Variants in RTF1 observed in about 807,000 individuals in gnomAD.
RTF1 encodes RTF1 homolog, Paf1/RNA polymerase II complex component, also known as RNA polymerase-associated protein RTF1 homolog.
A neutral mutation model predicts 95.7 loss-of-function variants in RTF1; 10 were observed. The observed-to-expected ratio is 0.10, with a 90% CI of 0.06 to 0.18. The LOEUF (loss-of-function observed/expected upper bound fraction) is 0.18, where lower values mean the gene tolerates loss of function less well. Ranked by LOEUF, RTF1 falls within the 10% of genes least tolerant of loss-of-function variation. The pLI is 1.00. For missense variants in RTF1, 458 were observed against 875.6 expected (o/e 0.52, Z 6.02); for synonymous variants, 305 against 311.8 (o/e 0.98, Z 0.23).
intron 2 of RTF1, among the ~76,000 whole-genome samples, chr15:41,442,530 T>G (rs1162596956): frequency 6.6e-6 from 1 of 152,046 alleles, no homozygotes; most frequent in African/African-American, 2.4e-5. Flanking sequence ...GTCTTCTCGT[T>G]TCTTCAACTT....
chr15:41,467,635 A>C (rs2050887085), intron 6 of RTF1, among the ~76,000 whole-genome samples: 1 of 152,070 alleles, frequency 6.6e-6, no homozygotes, highest in Middle Eastern at 3.2e-3. Context: ...GAATCCCTTG[A>C]ACCCGGGAGA....
In RTF1 at chr15:41,480,694, C is replaced by A. The variant is rs563031859; in HGVS notation, c.*7C>A. 1.3e-6 allele frequency: 2 copies of A among 1,597,558 alleles called. No individual in the cohort carries two copies. Among genetic ancestry groups the A allele is most frequent in the South Asian group, 1.1e-5 (1 of 90,728 alleles). On this transcript the variant is annotated 3_prime_UTR_variant, in exon 18 of 18. Coordinates refer to ENST00000389629, the MANE Select transcript of RTF1 (RefSeq NM_015138.5). ...ACGACGAGGGCTTATTTGAGCACACCCAGCCTGCTGCTTCTGACCCTGCAT... is the reference window on the plus strand; with the variant it reads ...ACGACGAGGGCTTATTTGAGCACACACAGCCTGCTGCTTCTGACCCTGCAT...
chr15:41,471,500 C>A, intron 8 of RTF1, 151 bp downstream of exon 8: 1 of 750,772 alleles, frequency 1.3e-6, no homozygotes, highest in Non-Finnish European at 2.0e-6. Context: ...CAGTGAGGTG[C>A]CCAGGAATCC....
At chr15:41,417,404 A>G (rs943404749) in intron 1 of RTF1, 91 bp downstream of exon 1, 12 of 1,116,454 alleles carry the variant, frequency 1.1e-5, no homozygotes, top group South Asian at 9.1e-5. Flanking sequence ...GAGCCTTCCT[A>G]CCAGAGCGCC....
Position 41,479,111 on chromosome 15 carries a change from C to T in RTF1, c.1827C>T (p.Asp609=). ...CTTATTTTCTCTCTCAGTCCAGAGA[C>T]CCAGCTGTTCAAGCTGCCATCTTGG... ...CKPTIVSNSR[D]PAVQAAILAQ... The change falls in exon 16 of 18, where the codon GAC becomes GAT. Residue 609 remains aspartate (D), a synonymous_variant. Transcript: ENST00000389629. 1.2e-6 allele frequency: 2 copies of T among 1,612,186 alleles called. No individual in the cohort carries two copies. Among genetic ancestry groups the T allele is most frequent in the Non-Finnish European group, 1.7e-6 (2 of 1,178,294 alleles).
At chr15:41,447,892 C>T (rs922149698) in intron 2 of RTF1, among the ~76,000 whole-genome samples, 2 of 152,154 alleles carry the variant, frequency 1.3e-5, no homozygotes, top group Non-Finnish European at 2.9e-5. Context: ...TTAAGAAGTG[C>T]AAGGTCATTT....
At position 41,472,212 on chromosome 15, in the gene RTF1, G is replaced by GT. The variant is rs1006916671; in HGVS notation, c.1203+874dup. Among the ~76,000 whole-genome samples, 376 of 131,346 alleles carry GT rather than the reference G, an allele frequency of 2.9e-3. 1 individual carries two copies. Among genetic ancestry groups the GT allele is most frequent in the Middle Eastern group, 5.2e-3 (1 of 194 alleles). The allele number at this position is 131,346 out of a possible 152,430, so 86.2% of individuals were successfully genotyped here. On this transcript the variant is annotated intron_variant, in intron 8 of 17. Coordinates refer to ENST00000389629, the MANE Select transcript of RTF1 (RefSeq NM_015138.5). ...CTATTTTTATTTTTATTTATTTGTT[G>GT]TTTTTTTTTTTCAGACAGAGTTTCG...
Position 41,438,539 on chromosome 15 carries a change from T to G in RTF1, c.309+108T>G, listed in dbSNP as rs191935037. On this transcript the variant is annotated intron_variant, in intron 2 of 17. Transcript: ENST00000389629. Reference sequence around the variant, plus strand: ...TTAAATGGAGACTTACAGCCTAAGATCTACAAGAATTTATTGGGGAAAGAA... The same window carrying G: ...TTAAATGGAGACTTACAGCCTAAGAGCTACAAGAATTTATTGGGGAAAGAA... The G allele has an allele frequency of 4.0e-4, 260 of 643,560 alleles. 1 individual carries two copies. The East Asian group carries it at 7.3e-3, about 18-fold the overall frequency. 39.9% of individuals were successfully genotyped at this position (643,560 alleles called of 1,614,324 possible).
intron 2 of RTF1, among the ~76,000 whole-genome samples, chr15:41,448,254 G>A (rs1460484209): frequency 6.6e-6 from 1 of 152,062 alleles, no homozygotes; most frequent in African/African-American, 2.4e-5. Flanking sequence ...GGACCTATTT[G>A]TGTCTCTTTC....
In RTF1 at chr15:41,483,248, T is replaced by A. The variant is rs73407136; in HGVS notation, c.*2561T>A. Reference sequence around the variant, plus strand: ...TAGGATTTCTTGGTGGTTCACACTATTTCTTGTGCTGGGGAATTCCCTCAT... The same window carrying A: ...TAGGATTTCTTGGTGGTTCACACTAATTCTTGTGCTGGGGAATTCCCTCAT... On this transcript the variant is annotated 3_prime_UTR_variant, in exon 18 of 18. Coordinates refer to ENST00000389629, the MANE Select transcript of RTF1 (RefSeq NM_015138.5). The A allele has an allele frequency of 6.6e-6, 1 of 152,600 alleles. No homozygotes were observed. Among genetic ancestry groups the A allele is most frequent in the South Asian group, 2.1e-4 (1 of 4,830 alleles). 9.5% of individuals were successfully genotyped at this position (152,600 alleles called of 1,614,324 possible). A position where few individuals can be genotyped will look rare whatever the true frequency, so the allele number is the denominator to read the frequency against.
intron 4 of RTF1, among the ~76,000 whole-genome samples, chr15:41,458,859 G>A (rs2050832306): frequency 6.8e-6 from 1 of 147,576 alleles, no homozygotes. Flanking sequence ...ATCACTTGAG[G>A]TCAGGAGTTC....
chr15:41,429,055 AT>A (rs1260641384), intron 1 of RTF1, among the ~76,000 whole-genome samples: 5 of 151,656 alleles, frequency 3.3e-5, no homozygotes, highest in Non-Finnish European at 7.4e-5. Context: ...TTGATTTTTA[AT>A]TTTTTGTAGA....
chr15:41,418,572 C>T (rs192986323), intron 1 of RTF1, among the ~76,000 whole-genome samples: 261 of 152,102 alleles, frequency 1.7e-3, no homozygotes, highest in African/African-American at 6.1e-3. Flanking sequence ...AGTCCCAGCA[C>T]TTTGGGAGGC....
intron 11 of RTF1, among the ~76,000 whole-genome samples, chr15:41,476,096 G>A (rs72739660): frequency 0.026 from 3,995 of 152,306 alleles, 68 homozygotes; most frequent in Non-Finnish European, 0.037. Flanking sequence ...TCAGGGGTCT[G>A]TATTCTGCTA....
At chr15:41,478,668 A>G (rs1276650608) in intron 15 of RTF1, 43 bp downstream of exon 15, 1 of 1,423,584 alleles carries the variant, frequency 7.0e-7, no homozygotes, top group African/African-American at 1.4e-5. Flanking sequence ...CCTAGATTCT[A>G]GGACACAAAA....
At chr15:41,438,547 A>G in intron 2 of RTF1, 116 bp downstream of exon 2, 1 of 611,488 alleles carries the variant, frequency 1.6e-6, no homozygotes, top group South Asian at 2.2e-5. Context: ...GATCTACAAG[A>G]ATTTATTGGG....
chr15:41,451,417 C>T (rs988923848), intron 2 of RTF1, among the ~76,000 whole-genome samples: 5 of 152,072 alleles, frequency 3.3e-5, no homozygotes, highest in Non-Finnish European at 7.3e-5. Context: ...GGTTGTATGG[C>T]CTTTCAACTT....
In RTF1 at chr15:41,476,442, A is replaced by G; in HGVS notation, c.1483-4A>G. Reference sequence around the variant, plus strand: ...TCACTGCTGGTATCTCCTCTCTGGTACAGATTGTAAAAGAGAAAGAAAGGT... The same window carrying G: ...TCACTGCTGGTATCTCCTCTCTGGTGCAGATTGTAAAAGAGAAAGAAAGGT... On this transcript the variant is annotated splice_region_variant and splice_polypyrimidine_tract_variant and intron_variant, in intron 11 of 17. Transcript: ENST00000389629. The G allele has an allele frequency of 6.2e-7, 1 of 1,612,388 alleles. No individual in the cohort carries two copies. The highest frequency in any genetic ancestry group is 8.5e-7 in the Non-Finnish European group (1 of 1,178,604).
intron 5 of RTF1, 46 bp downstream of exon 5, chr15:41,464,931 TGA>T: frequency 2.1e-6 from 3 of 1,434,650 alleles, no homozygotes; most frequent in Non-Finnish European, 1.8e-6. Flanking sequence ...AAACCTGTTT[TGA>T]GTGTGTGTGT....
Sources: allele counts gnomAD v4.1 joint callset (sites outside exome capture counted in the v4.1 genomes callset), GRCh38; gene constraint gnomAD v4.1.1; transcripts MANE v1.5; gene names NCBI Gene and HGNC (gene_info 2026-07-23, HGNC 2026-07-21).